The following NTRK3 variants were observed in gnomAD, a reference collection of about 807,000 sequenced individuals.
NTRK3 encodes the protein NT-3 growth factor receptor.
In NTRK3, 24 loss-of-function variants were observed where a neutral mutation model predicts 91.7. That is an observed-to-expected ratio of 0.26 (90% CI 0.19 to 0.37). NTRK3 has a LOEUF of 0.37. NTRK3 is among the 10% of genes least tolerant of loss of function. The probability of loss-of-function intolerance (pLI) is 1.00; values close to 1 mark genes in which losing one functional copy is unlikely to be tolerated. For missense variants in NTRK3, 880 were observed against 1,068.9 expected, an observed-to-expected ratio of 0.82 and a Z score of 2.46; for synonymous variants, 483 against 404.0, an observed-to-expected ratio of 1.20 and a Z score of -2.34.
exon 19 of NTRK3, chr15:87,862,196 A>C (rs2064547293): frequency 4.5e-6 from 1 of 221,852 alleles, no homozygotes; most frequent in African/African-American, 2.2e-5. Context: ...TGAGCACTGG[A>C]ATGAGATTCA....
chr15:87,908,488 C>A, intron 17 of NTRK3: 1 of 399,868 alleles, frequency 2.5e-6, no homozygotes. Context: ...TCCAGACTCA[C>A]TGTGGAAGCT....
intron 3 of NTRK3, among the ~76,000 whole-genome samples, chr15:88,239,883 C>T (rs1397807904): frequency 1.3e-5 from 2 of 152,138 alleles, no homozygotes; most frequent in Non-Finnish European, 2.9e-5. Context: ...GTCCTGGACT[C>T]GATGCGAATT....
At chr15:87,882,412 G>A (rs553250928) in intron 17 of NTRK3, among the ~76,000 whole-genome samples, 13 of 152,218 alleles carry the variant, frequency 8.5e-5, no homozygotes, top group African/African-American at 3.1e-4. Context: ...AACAAAAAAT[G>A]CAGAGCAAAT....
chr15:88,128,570 C>T (rs1276991823), intron 11 of NTRK3, 141 bp downstream of exon 11: 2 of 888,514 alleles, frequency 2.3e-6, no homozygotes, highest in South Asian at 2.8e-5. Context: ...CCCTTCATTT[C>T]CCTTTCACAG....
intron 14 of NTRK3, among the ~76,000 whole-genome samples, chr15:87,998,923 C>T (rs1165417923): frequency 6.6e-6 from 1 of 152,090 alleles, no homozygotes; most frequent in Non-Finnish European, 1.5e-5. Flanking sequence ...GGATTGCTGG[C>T]TGCAAAAGCC....
chr15:88,099,785 A>C (rs1035420100), intron 13 of NTRK3, among the ~76,000 whole-genome samples: 1 of 152,224 alleles, frequency 6.6e-6, no homozygotes, highest in African/African-American at 2.4e-5. Flanking sequence ...CTAAGTGCTC[A>C]CATGAACAAA....
chr15:87,941,773 T>A (rs1037195372), intron 14 of NTRK3, among the ~76,000 whole-genome samples: 1 of 152,230 alleles, frequency 6.6e-6, no homozygotes, highest in East Asian at 1.9e-4. Flanking sequence ...AGCAGAGCTG[T>A]GACCTCAGCC....
chr15:87,969,198 C>T (rs548692826), intron 14 of NTRK3, among the ~76,000 whole-genome samples: 3 of 152,128 alleles, frequency 2.0e-5, no homozygotes, highest in Admixed American at 6.5e-5. Flanking sequence ...CAGGCCCAAA[C>T]GGAGATGCTT....
chr15:88,202,589 T>G (rs1247012357), intron 3 of NTRK3, among the ~76,000 whole-genome samples: 3 of 152,218 alleles, frequency 2.0e-5, no homozygotes, highest in Non-Finnish European at 4.4e-5. Flanking sequence ...CATGTCCATC[T>G]TCAGGGTGTG....
At chr15:88,189,212 C>T (rs892452995) in intron 3 of NTRK3, among the ~76,000 whole-genome samples, 2 of 152,136 alleles carry the variant, frequency 1.3e-5, no homozygotes, top group African/African-American at 4.8e-5. Context: ...CATGCAGAGT[C>T]TCTTTGGCAA....
At chr15:88,251,603 A>C (rs1428656629) in intron 3 of NTRK3, among the ~76,000 whole-genome samples, 1 of 152,268 alleles carries the variant, frequency 6.6e-6, no homozygotes, top group Non-Finnish European at 1.5e-5. Flanking sequence ...AAATGCCGTG[A>C]TATTGGCAAG....
intron 17 of NTRK3, among the ~76,000 whole-genome samples, chr15:87,899,310 T>A (rs16940995): frequency 0.057 from 8,712 of 152,192 alleles, 371 homozygotes; most frequent in African/African-American, 0.12. Context: ...TAAGGCTGTC[T>A]TGAGGAAAGA....
chr15:87,987,682 A>AT lies in NTRK3; in HGVS notation c.1585+45174dup, dbSNP rs145473649. ...TTAACTTTGTATACAGTACTCATAG[A>AT]TTTTTTTTTAAATTAATGTATTCAA... is the stretch of plus-strand genomic sequence containing the variant. On this transcript the variant is annotated intron_variant, in intron 14 of 18. Coordinates refer to ENST00000394480, the Ensembl canonical transcript of NTRK3. Among the ~76,000 whole-genome samples, 84 of 151,374 alleles carry AT rather than the reference A, an allele frequency of 5.5e-4. 1 individual carries two copies. The highest frequency in any genetic ancestry group is 3.1e-3 in the South Asian group (15 of 4,780).
At chr15:87,949,478 A>T (rs1275441506) in intron 14 of NTRK3, among the ~76,000 whole-genome samples, 3 of 152,038 alleles carry the variant, frequency 2.0e-5, no homozygotes, top group African/African-American at 7.2e-5. Flanking sequence ...CAAGATGAAC[A>T]TATAAATAAG....
intron 14 of NTRK3, among the ~76,000 whole-genome samples, chr15:88,005,846 A>G (rs1046520738): frequency 3.3e-5 from 5 of 152,202 alleles, no homozygotes; most frequent in African/African-American, 1.2e-4. Context: ...GCAACCTATC[A>G]GAGATAGGGC....
intron 14 of NTRK3, among the ~76,000 whole-genome samples, chr15:87,990,075 A>C (rs1017012938): frequency 6.6e-6 from 1 of 152,266 alleles, no homozygotes; most frequent in South Asian, 2.1e-4. Flanking sequence ...ACCAAATCCT[A>C]TAATAATGAC....
intron 3 of NTRK3, among the ~76,000 whole-genome samples, chr15:88,201,962 C>T (rs1200678008): frequency 6.6e-6 from 1 of 152,070 alleles, no homozygotes; most frequent in Non-Finnish European, 1.5e-5. Context: ...TATTTCCTCC[C>T]TCATTTCTTT....
chr15:87,873,228 A>T (rs1302557797), exon 19 of NTRK3: 2 of 231,570 alleles, frequency 8.6e-6, no homozygotes, highest in Non-Finnish European at 1.7e-5. Context: ...CTTTGCCTCA[A>T]GTGGGAAGCC....
intron 13 of NTRK3, among the ~76,000 whole-genome samples, chr15:88,074,645 G>T (rs1325264263): frequency 6.6e-6 from 1 of 152,158 alleles, no homozygotes; most frequent in Non-Finnish European, 1.5e-5. Context: ...GCTAGTAAAT[G>T]ATGACATCAA....
Sources: gnomAD v4.1 joint callset for allele counts (sites outside exome capture counted in the v4.1 genomes callset) on GRCh38, gnomAD v4.1.1 for gene constraint, MANE v1.5 for transcripts, NCBI Gene and HGNC (gene_info 2026-07-23, HGNC 2026-07-21) for gene names.